The following CEBPZOS variants were observed in gnomAD, a reference collection of about 807,000 sequenced individuals.
CEBPZOS encodes protein CEBPZOS.
Under a neutral mutation model 4.8 loss-of-function variants are expected in CEBPZOS, and 10 were observed. That is an observed-to-expected ratio of 2.07 (90% CI 1.28 to 3.52). The LOEUF (loss-of-function observed/expected upper bound fraction) is 3.52, where lower values mean the gene tolerates loss of function less well. CEBPZOS is among the 30% of genes most tolerant of loss of function. The probability of loss-of-function intolerance (pLI) is 0.00; values close to 1 mark genes in which losing one functional copy is unlikely to be tolerated. For synonymous variants in CEBPZOS, 25 were observed against 14.2 expected (o/e 1.77, Z -1.72); for missense variants, 98 against 43.6 (o/e 2.25, Z -3.51).
intron 2 of CEBPZOS, among the ~76,000 whole-genome samples, chr2:37,200,487 TA>T (rs913969655): frequency 2.0e-5 from 3 of 152,082 alleles, no homozygotes; most frequent in African/African-American, 7.2e-5. Context: ...GGAAGGGTAT[TA>T]AAAAAACATC....
chr2:37,199,684 A>C lies in CEBPZOS; in HGVS notation c.-1-20A>C. The C allele has an allele frequency of 1.4e-6, 1 of 714,900 alleles. No homozygotes were observed. The highest frequency in any genetic ancestry group is 2.0e-5 in the Admixed American group (1 of 49,386). The allele number at this position is 714,900 out of a possible 1,614,324, so 44.3% of individuals were successfully genotyped here. On this transcript the variant is annotated intron_variant, in intron 1 of 4. Transcript: ENST00000402297. ...TAAGTATGTTCATTCAGGTTTACAC[A>C]TATCTGTTGTTAAATTTAGGATGGC...
chr2:37,207,620 C>G (rs1677582494), downstream of CEBPZOS, among the ~76,000 whole-genome samples: 1 of 152,156 alleles, frequency 6.6e-6, no homozygotes, highest in South Asian at 2.1e-4. Flanking sequence ...AGTGACACAA[C>G]CCATCAAAAC....
chr2:37,214,273 T>C (rs562398180), downstream of CEBPZOS, among the ~76,000 whole-genome samples: 10 of 152,222 alleles, frequency 6.6e-5, no homozygotes, highest in African/African-American at 2.2e-4. Context: ...TCTAAATGAT[T>C]TTAAAAAACA....
At chr2:37,198,198 A>T (rs1402159889) in intron 1 of CEBPZOS, among the ~76,000 whole-genome samples, 1 of 152,138 alleles carries the variant, frequency 6.6e-6, no homozygotes, top group Non-Finnish European at 1.5e-5. Flanking sequence ...CAAGAGAGGC[A>T]TCTGTACTGA....
In CEBPZOS at chr2:37,202,009, G is replaced by C; in HGVS notation, c.*149G>C. 1 of 1,018,764 alleles carries C rather than the reference G, an allele frequency of 9.8e-7. No individual in the cohort carries two copies. Among genetic ancestry groups the C allele is most frequent in the Non-Finnish European group, 1.4e-6 (1 of 699,888 alleles). 63.1% of individuals were successfully genotyped at this position (1,018,764 alleles called of 1,614,324 possible). ...AGGAACTTCTAGCCTGCCTTGGCCTGTGGTTTCCCACCCACTATACAAACC... is the reference window on the plus strand; with the variant it reads ...AGGAACTTCTAGCCTGCCTTGGCCTCTGGTTTCCCACCCACTATACAAACC... On this transcript the variant is annotated 3_prime_UTR_variant, in exon 5 of 5. Transcript: ENST00000402297.
At chr2:37,199,921 C>A (rs1677134122) in intron 2 of CEBPZOS, 102 bp downstream of exon 2, 1 of 636,662 alleles carries the variant, frequency 1.6e-6, no homozygotes, top group Non-Finnish European at 2.9e-6. Context: ...ATTGGTTCTT[C>A]AGATTCAAGA....
At chr2:37,201,266 G>A in intron 3 of CEBPZOS, 174 bp downstream of exon 3, 1 of 566,190 alleles carries the variant, frequency 1.8e-6, no homozygotes, top group South Asian at 2.4e-5. Flanking sequence ...TAATGGGCTG[G>A]ATTCTGAATT....
At chr2:37,199,568 T>C (rs1677110091) in intron 1 of CEBPZOS, 136 bp from the exon 2 acceptor site, 1 of 502,426 alleles carries the variant, frequency 2.0e-6, no homozygotes, top group East Asian at 3.0e-5. Flanking sequence ...ACCAAAAAAG[T>C]ATACCATAGT....
chr2:37,212,459 G>T, intron 4 of CEBPZOS: 1 of 1,296,024 alleles, frequency 7.7e-7, no homozygotes, highest in South Asian at 1.2e-5. Flanking sequence ...TCTTGTATCT[G>T]AATCAATTAT....
At chr2:37,210,468 G>A (rs28430450) in intron 4 of CEBPZOS, 21,214 of 152,202 alleles carry the variant, frequency 0.14, 1,634 homozygotes, top group South Asian at 0.25. Context: ...AATGGCATTC[G>A]CAGCAACCTG....
Position 37,203,031 on chromosome 2 carries a change from A to C in CEBPZOS, c.*1171A>C. On this transcript the variant is annotated 3_prime_UTR_variant, in exon 5 of 5. Transcript: ENST00000402297. ...GCCCTAAAAAAAATTGTAAGTCTAC[A>C]TTATTCAATTATAAATCTAATGATT... 1 of 1,419,316 alleles carries C rather than the reference A, an allele frequency of 7.0e-7. No individual in the cohort carries two copies. Among genetic ancestry groups the C allele is most frequent in the Non-Finnish European group, 9.6e-7 (1 of 1,045,976 alleles). 87.9% of individuals were successfully genotyped at this position (1,419,316 alleles called of 1,614,324 possible). A position where few individuals can be genotyped will look rare whatever the true frequency, so the allele number is the denominator to read the frequency against.
chr2:37,198,469 GTTAT>G (rs1011729585), intron 1 of CEBPZOS: 1 of 152,174 alleles, frequency 6.6e-6, no homozygotes, highest in African/African-American at 2.4e-5. Context: ...CAAAAGGAAG[GTTAT>G]TTGATTACAC....
downstream of CEBPZOS, among the ~76,000 whole-genome samples, chr2:37,207,955 G>A (rs1677594501): frequency 1.3e-5 from 2 of 152,030 alleles, no homozygotes; most frequent in South Asian, 2.1e-4. Context: ...AATTAGAGAC[G>A]AAATGGGAGA....
downstream of CEBPZOS, chr2:37,208,763 A>G (rs1572495425): frequency 1.3e-5 from 2 of 152,208 alleles, no homozygotes; most frequent in African/African-American, 4.8e-5. Flanking sequence ...CACCACTTCT[A>G]TTCAACATAG....
intron 2 of CEBPZOS, among the ~76,000 whole-genome samples, chr2:37,200,385 A>G (rs902143890): frequency 1.3e-5 from 2 of 152,148 alleles, no homozygotes; most frequent in South Asian, 4.1e-4. Context: ...CATCTTTGAA[A>G]CTTGCCACAG....
rs114948776 is a variant in CEBPZOS at position 37,212,488 on chromosome 2, T to C, written c.*3-949T>C. On this transcript the variant is annotated intron_variant, in intron 4 of 4. Coordinates refer to the CEBPZOS transcript ENST00000397064. ...CAATTATTCTAAGTCATGATTCTGC[T>C]GTTTATGACAAGTGAACACCAAAAC... 1.2e-3 allele frequency: 1,236 copies of C among 1,068,988 alleles called. 9 individuals carry two copies. In the African/African-American group the frequency reaches 0.018, roughly 15 times the overall value. The allele number at this position is 1,068,988 out of a possible 1,614,324, so 66.2% of individuals were successfully genotyped here.
intron 1 of CEBPZOS, among the ~76,000 whole-genome samples, chr2:37,199,489 C>T (rs1029925361): frequency 2.6e-5 from 4 of 151,978 alleles, no homozygotes; most frequent in Non-Finnish European, 4.4e-5. Context: ...GTGCTTTATC[C>T]AATTTTGTCT....
chr2:37,210,773 G>T, intron 4 of CEBPZOS: 1 of 439,064 alleles, frequency 2.3e-6, no homozygotes, highest in Non-Finnish European at 4.1e-6. Context: ...CTGAAATAAT[G>T]ATAACAAATT....
rs1572489044 is a variant in CEBPZOS, at chr2:37,203,745, A to G, written c.*1885A>G. 2.0e-5 allele frequency: 3 copies of G among 152,202 alleles called. No individual in the cohort carries two copies. The East Asian group carries it at 5.8e-4, about 29-fold the overall frequency. 9.4% of individuals were successfully genotyped at this position (152,202 alleles called of 1,614,324 possible). On this transcript the variant is annotated 3_prime_UTR_variant, in exon 5 of 5. Coordinates refer to ENST00000402297, the MANE Select transcript of CEBPZOS (RefSeq NM_001322374.2). ...TAGTCCTCCAACCCATCTCCGATCT[A>G]TCTTGTTTCTATGACTTGCCTTTTC...
Sources: allele counts gnomAD v4.1 joint callset (sites outside exome capture counted in the v4.1 genomes callset), GRCh38; gene constraint gnomAD v4.1.1; transcripts MANE v1.5; gene names NCBI Gene and HGNC (gene_info 2026-07-23, HGNC 2026-07-21).